Variants in MAGI1 observed in about 807,000 individuals in gnomAD.
MAGI1 encodes the protein membrane associated guanylate kinase, WW and PDZ domain containing 1, also known as membrane-associated guanylate kinase, WW and PDZ domain-containing protein 1.
In MAGI1, 58 loss-of-function variants were observed where a neutral mutation model predicts 139.9. The ratio of observed to expected loss-of-function variants is 0.41; its 90% confidence interval spans 0.34 to 0.52. The LOEUF (loss-of-function observed/expected upper bound fraction) is 0.52. MAGI1 is among the 20% of genes least tolerant of loss of function. The pLI is 0.12. For synonymous variants in MAGI1, 812 were observed against 737.9 expected, an observed-to-expected ratio of 1.10 and a Z score of -1.63; for missense variants, 1,874 against 1,901.6, an observed-to-expected ratio of 0.99 and a Z score of 0.27.
At chr3:65,492,496 T>C (rs2107666253) in intron 3 of MAGI1, among the ~76,000 whole-genome samples, 1 of 152,346 alleles carries the variant, frequency 6.6e-6, no homozygotes, top group East Asian at 1.9e-4. Flanking sequence ...ATAATTTTTA[T>C]AATTATATTT....
At chr3:65,774,598 C>T (rs1453000498) in intron 1 of MAGI1, among the ~76,000 whole-genome samples, 3 of 152,156 alleles carry the variant, frequency 2.0e-5, no homozygotes, top group African/African-American at 7.2e-5. Flanking sequence ...CTTTTGTTCA[C>T]ATAGTTTATG....
At chr3:65,649,334 T>A (rs2107300400) in intron 1 of MAGI1, among the ~76,000 whole-genome samples, 1 of 152,240 alleles carries the variant, frequency 6.6e-6, no homozygotes, top group African/African-American at 2.4e-5. Flanking sequence ...GTGAGCTGAC[T>A]GCATCACTGC....
chr3:65,554,518 A>T (rs2079996294), intron 2 of MAGI1, among the ~76,000 whole-genome samples: 1 of 152,278 alleles, frequency 6.6e-6, no homozygotes, highest in Non-Finnish European at 1.5e-5. Context: ...AAGGGTGATC[A>T]CCTCTCTTAA....
chr3:65,475,562 T>C (rs1407379346), intron 4 of MAGI1, among the ~76,000 whole-genome samples: 1 of 152,186 alleles, frequency 6.6e-6, no homozygotes, highest in African/African-American at 2.4e-5. Context: ...AAGTCTTTGT[T>C]TGTGTATATA....
At chr3:65,666,369 A>T (rs924445656) in intron 1 of MAGI1, among the ~76,000 whole-genome samples, 3 of 152,234 alleles carry the variant, frequency 2.0e-5, no homozygotes, top group African/African-American at 7.2e-5. Context: ...ATAGATTTTT[A>T]TGGCCATCCC....
chr3:65,536,900 G>T (rs1325331062), intron 2 of MAGI1, among the ~76,000 whole-genome samples: 1 of 152,144 alleles, frequency 6.6e-6, no homozygotes, highest in African/African-American at 2.4e-5. Flanking sequence ...AGGACAGATT[G>T]CTAACATGGT....
rs1943995036 is a variant in MAGI1, at chr3:65,392,355, T to C, written c.2200-997A>G. On this transcript the variant is annotated intron_variant, in intron 13 of 22. Coordinates refer to ENST00000402939, the MANE Select transcript of MAGI1 (RefSeq NM_001033057.2). ...GTAATCTCAGGTGTTTAGCATTCCC[T>C]ATTCAAAACAAAAAATCCTGCAGTC... Among the ~76,000 whole-genome samples the C allele has an allele frequency of 2.0e-5, 3 of 152,178 alleles. No homozygotes were observed. The South Asian group carries it at 6.2e-4, about 31-fold the overall frequency.
At chr3:65,484,451 G>T (rs1951495119) in intron 3 of MAGI1, among the ~76,000 whole-genome samples, 1 of 152,120 alleles carries the variant, frequency 6.6e-6, no homozygotes, top group Admixed American at 6.5e-5. Flanking sequence ...CACCCCCAAG[G>T]GGGCAAAAAT....
At chr3:65,854,810 T>C (rs1163433654) in intron 1 of MAGI1, among the ~76,000 whole-genome samples, 1 of 152,092 alleles carries the variant, frequency 6.6e-6, no homozygotes, top group African/African-American at 2.4e-5. Flanking sequence ...TGACAGATGG[T>C]CACACTACTG....
At chr3:65,361,103 T>C (rs1366808487) in intron 22 of MAGI1, 96 bp downstream of exon 22, 8 of 1,610,830 alleles carry the variant, frequency 5.0e-6, no homozygotes, top group East Asian at 2.2e-5. Flanking sequence ...CACTGGTGAA[T>C]AGGGGAAACA....
chr3:65,892,754 T>TA (rs1403212822), intron 1 of MAGI1, among the ~76,000 whole-genome samples: 1 of 152,124 alleles, frequency 6.6e-6, no homozygotes, highest in Non-Finnish European at 1.5e-5. Context: ...CCCATTATTT[T>TA]AAAAAATGCA....
In MAGI1 at chr3:65,616,012, G is replaced by A. The variant is rs553499379; in HGVS notation, c.430+5960C>T. On this transcript the variant is annotated intron_variant, in intron 2 of 22. Transcript: ENST00000402939. ...AAACAAATCAAAAGCCTAAGAATTC[G>A]TTGCTAGCCATGAAAGTCCTCTGTT... 9.5e-4 allele frequency among the ~76,000 whole-genome samples: 144 copies of A among 152,276 alleles called. 1 individual carries two copies. The highest frequency in any genetic ancestry group is 3.2e-3 in the African/African-American group (133 of 41,544).
intron 2 of MAGI1, among the ~76,000 whole-genome samples, chr3:65,547,891 A>T (rs1262179076): frequency 6.6e-6 from 1 of 152,204 alleles, no homozygotes; most frequent in Non-Finnish European, 1.5e-5. Flanking sequence ...GAGTTCAAAC[A>T]TACCACATGT....
intron 1 of MAGI1, among the ~76,000 whole-genome samples, chr3:65,915,641 ATC>A (rs1238321434): frequency 6.6e-6 from 1 of 152,158 alleles, no homozygotes; most frequent in Non-Finnish European, 1.5e-5. Flanking sequence ...CTGGTTGTGA[ATC>A]ATCCCTCTGG....
At chr3:65,517,057 G>A (rs1158506759) in intron 2 of MAGI1, among the ~76,000 whole-genome samples, 1 of 152,088 alleles carries the variant, frequency 6.6e-6, no homozygotes, top group Non-Finnish European at 1.5e-5. Flanking sequence ...GGGCTGAACT[G>A]GGATTAAAAC....
At chr3:65,725,999 T>C (rs1389179499) in intron 1 of MAGI1, among the ~76,000 whole-genome samples, 1 of 152,222 alleles carries the variant, frequency 6.6e-6, no homozygotes, top group African/African-American at 2.4e-5. Context: ...GCCTCTCAAG[T>C]ATTTTCTGAA....
At chr3:65,724,514 G>C (rs1477159042) in intron 1 of MAGI1, among the ~76,000 whole-genome samples, 1 of 152,192 alleles carries the variant, frequency 6.6e-6, no homozygotes, top group Admixed American at 6.5e-5. Flanking sequence ...TATCTGAAAA[G>C]AGGGCTTTTC....
Position 65,387,133 on chromosome 3 carries a change from G to A in MAGI1, c.2417-3510C>T, listed in dbSNP as rs200953221. On this transcript the variant is annotated intron_variant, in intron 14 of 22. Coordinates refer to ENST00000402939, the MANE Select transcript of MAGI1 (RefSeq NM_001033057.2). ...AAACGGAGAGACAAAAGTTTTCAGCGGATCCTTACTCGGACATTCTCCAAA... is the reference window on the plus strand; with the variant it reads ...AAACGGAGAGACAAAAGTTTTCAGCAGATCCTTACTCGGACATTCTCCAAA... 1.0e-4 allele frequency: 163 copies of A among 1,610,980 alleles called. 2 individuals are homozygous for A. In the East Asian group the frequency reaches 2.4e-3, roughly 24 times the overall value.
At chr3:65,552,705 ATTAC>A (rs1477829609) in intron 2 of MAGI1, among the ~76,000 whole-genome samples, 4 of 152,198 alleles carry the variant, frequency 2.6e-5, no homozygotes, top group Non-Finnish European at 5.9e-5. Context: ...GATCCTATGA[ATTAC>A]TTACTTCGGG....
Sources: allele counts gnomAD v4.1 joint callset (sites outside exome capture counted in the v4.1 genomes callset), GRCh38; gene constraint gnomAD v4.1.1; transcripts MANE v1.5; gene names NCBI Gene and HGNC (gene_info 2026-07-23, HGNC 2026-07-21).